Variants in IMMP2L observed in about 807,000 individuals in gnomAD.
IMMP2L encodes the protein mitochondrial inner membrane protease subunit 2.
A neutral mutation model predicts 19.3 loss-of-function variants in IMMP2L; 18 were observed. The observed-to-expected ratio is 0.93, with a 90% CI of 0.64 to 1.38. The LOEUF is 1.38. Among genes scored for constraint, IMMP2L ranks in the 40% most tolerant of loss-of-function variants. The pLI is 0.00. For missense variants in IMMP2L, 233 were observed against 218.2 expected (o/e 1.07, Z -0.43); for synonymous variants, 76 against 73.0 (o/e 1.04, Z -0.21).
chr7:111,196,234 T>C (rs527330265), intron 3 of IMMP2L, among the ~76,000 whole-genome samples: 5 of 152,182 alleles, frequency 3.3e-5, no homozygotes, highest in Admixed American at 6.5e-5. Flanking sequence ...AATAATCTCT[T>C]GGAATAATGT....
chr7:111,123,780 G>A lies in IMMP2L; in HGVS notation c.240-160215C>T, dbSNP rs760745416. Reference sequence around the variant, plus strand: ...ATGCATTTTTCAGACTCCCCAAGCTGGAATCACTCATGCTGAACAGCAATG... The same window carrying A: ...ATGCATTTTTCAGACTCCCCAAGCTAGAATCACTCATGCTGAACAGCAATG... On this transcript the variant is annotated intron_variant, in intron 3 of 5. Coordinates refer to ENST00000405709, the MANE Select transcript of IMMP2L (RefSeq NM_032549.4). The surrounding 1 kb of genome is among the most constrained non-coding windows in gnomAD (Gnocchi z 6.4). 6.2e-7 allele frequency: 1 copy of A among 1,613,976 alleles called. No individual in the cohort carries two copies. The highest frequency in any genetic ancestry group is 8.5e-7 in the Non-Finnish European group (1 of 1,179,972).
At chr7:111,444,305 C>T (rs1838069323) in intron 3 of IMMP2L, among the ~76,000 whole-genome samples, 1 of 152,112 alleles carries the variant, frequency 6.6e-6, no homozygotes, top group Non-Finnish European at 1.5e-5. Context: ...TATGCACACA[C>T]ATGCACATAA....
intron 3 of IMMP2L, among the ~76,000 whole-genome samples, chr7:111,470,697 G>C (rs953766086): frequency 1.5e-5 from 2 of 134,290 alleles, no homozygotes; most frequent in African/African-American, 5.4e-5. Flanking sequence ...ACACAGGAAG[G>C]GGAACATCAC....
chr7:111,561,108 G>T (rs757213820), intron 1 of IMMP2L, among the ~76,000 whole-genome samples: 3 of 152,108 alleles, frequency 2.0e-5, no homozygotes, highest in Non-Finnish European at 4.4e-5. Context: ...CACCATACAG[G>T]GGAGAGGGAA....
At chr7:110,982,659 G>T (rs974698378) in intron 3 of IMMP2L, among the ~76,000 whole-genome samples, 5 of 152,044 alleles carry the variant, frequency 3.3e-5, no homozygotes, top group African/African-American at 1.2e-4. Flanking sequence ...TATACTTCGT[G>T]ACCACTAATG....
intron 3 of IMMP2L, among the ~76,000 whole-genome samples, chr7:111,445,669 A>T (rs1309275543): frequency 6.6e-6 from 1 of 152,044 alleles, no homozygotes; most frequent in Non-Finnish European, 1.5e-5. Flanking sequence ...GAGATTGGGA[A>T]ATGGGATTAA....
chr7:111,502,985 G>A, intron 2 of IMMP2L, among the ~76,000 whole-genome samples: 1 of 150,576 alleles, frequency 6.6e-6, no homozygotes, highest in Non-Finnish European at 1.5e-5. Flanking sequence ...CAGAACTGAA[G>A]GAAATAGAGA....
rs1171681268 is a variant in IMMP2L, at chr7:110,663,699, G to T, written c.431C>A (p.Ala144Asp). 6.3e-7 allele frequency: 1 copy of T among 1,597,826 alleles called. No homozygotes were observed. The highest frequency in any genetic ancestry group is 8.5e-7 in the Non-Finnish European group (1 of 1,172,500). Residue 144 changes from alanine (A) to aspartate (D), a missense_variant, in exon 6 of 6, where the codon GCC (alanine) becomes GAC (aspartate). Transcript: ENST00000405709. ...GGGCCACAGGATATGTGTGGCATGG[G>T]CATGCAGAAGTCCTAGGGAAACCTT... ...FGPVSLGLLH[A>D]HATHILWPPE...
chr7:110,888,750 T>C (rs1041470018), intron 4 of IMMP2L, among the ~76,000 whole-genome samples: 1 of 152,214 alleles, frequency 6.6e-6, no homozygotes, highest in African/African-American at 2.4e-5. Flanking sequence ...TACAGTGCTT[T>C]ATTTTTCTTT....
At chr7:110,756,349 G>C (rs1396276202) in intron 5 of IMMP2L, among the ~76,000 whole-genome samples, 2 of 152,028 alleles carry the variant, frequency 1.3e-5, no homozygotes, top group Non-Finnish European at 2.9e-5. Flanking sequence ...GGAGTAGAAG[G>C]AGGTGCAGTT....
At chr7:111,311,045 A>G (rs1358713588) in intron 3 of IMMP2L, among the ~76,000 whole-genome samples, 2 of 152,144 alleles carry the variant, frequency 1.3e-5, no homozygotes, top group African/African-American at 4.8e-5. Flanking sequence ...TAGTGAATTT[A>G]CTGCTTTTGA....
chr7:111,485,337 C>T (rs113158512), intron 3 of IMMP2L, among the ~76,000 whole-genome samples: 3,091 of 152,032 alleles, frequency 0.02, 108 homozygotes, highest in African/African-American at 0.071. Context: ...CAGTGGCTCA[C>T]GCCTGTAATC....
At chr7:110,810,834 C>A (rs999078291) in intron 5 of IMMP2L, among the ~76,000 whole-genome samples, 2 of 152,040 alleles carry the variant, frequency 1.3e-5, no homozygotes, top group Non-Finnish European at 2.9e-5. Context: ...ATGTGTTTTT[C>A]TTCAAATTAA....
intron 3 of IMMP2L, among the ~76,000 whole-genome samples, chr7:111,017,612 T>G (rs1825845851): frequency 6.6e-6 from 1 of 152,206 alleles, no homozygotes; most frequent in African/African-American, 2.4e-5. Flanking sequence ...CCCTTCAGTT[T>G]ACCTTTACTT....
At chr7:110,952,157 A>G (rs73199000) in intron 4 of IMMP2L, among the ~76,000 whole-genome samples, 7,214 of 152,246 alleles carry the variant, frequency 0.047, 227 homozygotes, top group Non-Finnish European at 0.072. Context: ...AAAAAAACAT[A>G]AATTAATATT....
At chr7:111,092,988 C>A (rs2129578129) in intron 3 of IMMP2L, among the ~76,000 whole-genome samples, 1 of 152,180 alleles carries the variant, frequency 6.6e-6, no homozygotes, top group South Asian at 2.1e-4. Context: ...GTAATATAAG[C>A]CAAAGCAAAA....
intron 3 of IMMP2L, among the ~76,000 whole-genome samples, chr7:111,054,899 C>T (rs953244847): frequency 6.6e-6 from 1 of 152,072 alleles, no homozygotes; most frequent in Non-Finnish European, 1.5e-5. Context: ...AAGTTACAGG[C>T]TCAATCTATA....
At position 111,213,043 on chromosome 7, in the gene IMMP2L, C is replaced by G. The variant is rs1466411605; in HGVS notation, c.240-249478G>C. ...GAGCTGGAAGCAGCCAGAAGCCCCG[C>G]CCTTCCAGGCACAGCTGCAGCCACC... On this transcript the variant is annotated intron_variant, in intron 3 of 5. Transcript: ENST00000405709. The surrounding 1 kb of genome is among the most constrained non-coding windows in gnomAD (Gnocchi z 4.8). 2.0e-5 allele frequency among the ~76,000 whole-genome samples: 3 copies of G among 152,216 alleles called. No homozygotes were observed. The highest frequency in any genetic ancestry group is 4.4e-5 in the Non-Finnish European group (3 of 68,042).
rs1424903651 is a variant in IMMP2L at position 111,213,392 on chromosome 7, AAC to A, written c.240-249829_240-249828del. On this transcript the variant is annotated intron_variant, in intron 3 of 5. Transcript: ENST00000405709. This position sits in a 1 kb window ranked among gnomAD's most constrained non-coding sequence, Gnocchi z 4.8. ...TGGCCTGCAGGCACCCCACAGCACA[AAC>A]AGCCTGGGTGCCATGAACTGTGGCA... is the stretch of plus-strand genomic sequence containing the variant. 6.6e-6 allele frequency among the ~76,000 whole-genome samples: 1 copy of A among 152,116 alleles called. No individual in the cohort carries two copies. The highest frequency in any genetic ancestry group is 6.5e-5 in the Admixed American group (1 of 15,286).
Sources: gnomAD v4.1 joint callset for allele counts (sites outside exome capture counted in the v4.1 genomes callset) on GRCh38, gnomAD v4.1.1 for gene constraint, Gnocchi (gnomAD v3.1) non-coding constraint, MANE v1.5 for transcripts, NCBI Gene and HGNC (gene_info 2026-07-23, HGNC 2026-07-21) for gene names.